SPTLC2: variants seen among roughly 807,000 people sequenced by gnomAD.
SPTLC2 encodes serine palmitoyltransferase 2.
In SPTLC2, 21 loss-of-function variants were observed where a neutral mutation model predicts 62.0. The ratio of observed to expected loss-of-function variants is 0.34; its 90% CI spans 0.24 to 0.49. The LOEUF is 0.49. Ranked by LOEUF, SPTLC2 falls within the 20% of genes least tolerant of loss-of-function variation. The pLI is 0.99. For missense variants in SPTLC2, 511 were observed against 713.0 expected, an observed-to-expected ratio of 0.72 and a Z score of 3.23; for synonymous variants, 261 against 261.8, an observed-to-expected ratio of 1.00 and a Z score of 0.03.
chr14:77,532,667 C>T (rs1429178290), intron 9 of SPTLC2, among the ~76,000 whole-genome samples: 1 of 151,972 alleles, frequency 6.6e-6, no homozygotes, highest in Non-Finnish European at 1.5e-5. Context: ...GCCTGTAGTC[C>T]CAGCTACTCG....
chr14:77,577,418 A>C (rs2079722665), intron 3 of SPTLC2, among the ~76,000 whole-genome samples: 1 of 152,202 alleles, frequency 6.6e-6, no homozygotes, highest in South Asian at 2.1e-4. Context: ...TAGGATGAAC[A>C]TGAAGTATCG....
At position 77,517,921 on chromosome 14, in the gene SPTLC2, C is replaced by A. The variant is rs2079366928; in HGVS notation, c.1569+117G>T. 4 of 1,512,108 alleles carry A rather than the reference C, an allele frequency of 2.6e-6. No homozygotes were observed. The East Asian group carries it at 9.1e-5, about 34-fold the overall frequency. 93.7% of individuals were successfully genotyped at this position (1,512,108 alleles called of 1,614,324 possible). A position where few individuals can be genotyped will look rare whatever the true frequency, so the allele number is the denominator to read the frequency against. On this transcript the variant is annotated intron_variant, in intron 11 of 11. Transcript: ENST00000216484. ...CCAATGTTTTTGGTAGCACTGTCACCCCCTCTGTCTTAGGTGCTCACAAGA... is the reference window on the plus strand; with the variant it reads ...CCAATGTTTTTGGTAGCACTGTCACACCCTCTGTCTTAGGTGCTCACAAGA...
chr14:77,616,336 G>T, intron 1 of SPTLC2, 112 bp downstream of exon 1: 1 of 614,334 alleles, frequency 1.6e-6, no homozygotes, highest in South Asian at 7.4e-5. Context: ...ACCTGCGAAC[G>T]GCGCCCGCCC....
At chr14:77,583,240 A>AAT (rs775867620) in intron 2 of SPTLC2, among the ~76,000 whole-genome samples, 1 of 146,594 alleles carries the variant, frequency 6.8e-6, no homozygotes. Context: ...TAAATAAATA[A>AAT]AAATAATAAT....
chr14:77,517,311 C>T (rs181065177), intron 11 of SPTLC2, among the ~76,000 whole-genome samples: 1 of 152,208 alleles, frequency 6.6e-6, no homozygotes, highest in East Asian at 1.9e-4. Context: ...TAATTTTATG[C>T]AAATGTCATG....
intron 9 of SPTLC2, among the ~76,000 whole-genome samples, chr14:77,528,590 C>A (rs146196914): frequency 4.1e-4 from 62 of 152,200 alleles, no homozygotes; most frequent in Non-Finnish European, 7.5e-4. Context: ...TATATCAGCT[C>A]AGGGTCCCTC....
At chr14:77,542,120 A>G (rs1287668147) in intron 9 of SPTLC2, among the ~76,000 whole-genome samples, 1 of 152,102 alleles carries the variant, frequency 6.6e-6, no homozygotes, top group South Asian at 2.1e-4. Flanking sequence ...TACCAAGTGA[A>G]AAGTGAAGAA....
chr14:77,548,739 T>C (rs941433562), intron 9 of SPTLC2, among the ~76,000 whole-genome samples: 10 of 152,012 alleles, frequency 6.6e-5, no homozygotes, highest in African/African-American at 9.7e-5. Context: ...GGGAAAAGGA[T>C]AGAAACTGGA....
chr14:77,512,031 G>T lies in SPTLC2; in HGVS notation c.*253C>A. 1 of 513,010 alleles carries T rather than the reference G, an allele frequency of 1.9e-6. No individual in the cohort carries two copies. Among genetic ancestry groups the T allele is most frequent in the African/African-American group, 1.9e-5 (1 of 51,918 alleles). 31.8% of individuals were successfully genotyped at this position (513,010 alleles called of 1,614,324 possible). A position where few individuals can be genotyped will look rare whatever the true frequency, so the allele number is the denominator to read the frequency against. On this transcript the variant is annotated 3_prime_UTR_variant, in exon 12 of 12. Transcript: ENST00000216484. ...AAGTAGAATGGTTGCAAAATAAAATGTTTTTTTAATGGACTGAAAAAGCAA... is the reference window on the plus strand; with the variant it reads ...AAGTAGAATGGTTGCAAAATAAAATTTTTTTTTAATGGACTGAAAAAGCAA...
At chr14:77,547,734 C>T (rs2079536155) in intron 9 of SPTLC2, 2 of 152,176 alleles carry the variant, frequency 1.3e-5, no homozygotes, top group African/African-American at 4.8e-5. Context: ...GGTCATCATA[C>T]TGATGGCTGA....
At chr14:77,614,190 T>C (rs2079952459) in intron 1 of SPTLC2, among the ~76,000 whole-genome samples, 1 of 152,184 alleles carries the variant, frequency 6.6e-6, no homozygotes, top group Non-Finnish European at 1.5e-5. Context: ...CTTCACCTTA[T>C]TAGTTGGCAA....
chr14:77,523,295 T>A (rs139592291), intron 9 of SPTLC2, among the ~76,000 whole-genome samples: 1 of 152,210 alleles, frequency 6.6e-6, no homozygotes, highest in African/African-American at 2.4e-5. Flanking sequence ...CTTTTAGACA[T>A]TGAACCACGG....
At chr14:77,612,007 TGGGTC>T (rs2079941114) in intron 1 of SPTLC2, among the ~76,000 whole-genome samples, 1 of 152,172 alleles carries the variant, frequency 6.6e-6, no homozygotes, top group Non-Finnish European at 1.5e-5. Flanking sequence ...TAACAGTAAA[TGGGTC>T]AAGAGCAAAG....
intron 2 of SPTLC2, among the ~76,000 whole-genome samples, chr14:77,592,658 C>T (rs1281662207): frequency 6.6e-6 from 1 of 152,076 alleles, no homozygotes; most frequent in Admixed American, 6.6e-5. Context: ...CAGGTAAACT[C>T]GCATCACAAT....
chr14:77,567,959 T>C (rs1322821621), intron 5 of SPTLC2, among the ~76,000 whole-genome samples: 1 of 152,178 alleles, frequency 6.6e-6, no homozygotes, highest in Non-Finnish European at 1.5e-5. Flanking sequence ...TTTGGATTAT[T>C]TGCATTATAT....
Position 77,616,615 on chromosome 14 carries a change from A to G in SPTLC2, c.-36T>C, listed in dbSNP as rs1479631952. ...GCACCAGGCGCAAGGCAGGCTCTGTAGGCGGTGGCAGCGGCGGCGGCTGCT... is the reference window on the plus strand; with the variant it reads ...GCACCAGGCGCAAGGCAGGCTCTGTGGGCGGTGGCAGCGGCGGCGGCTGCT... On this transcript the variant is annotated 5_prime_UTR_variant, in exon 1 of 12. Coordinates refer to ENST00000216484, the MANE Select transcript of SPTLC2 (RefSeq NM_004863.4). The G allele has an allele frequency of 5.2e-6, 8 of 1,529,594 alleles. No individual in the cohort carries two copies. The highest frequency in any genetic ancestry group is 3.9e-5 in the Admixed American group (2 of 51,352). 94.8% of individuals were successfully genotyped at this position (1,529,594 alleles called of 1,614,324 possible).
chr14:77,522,075 C>T (rs2079387363), intron 9 of SPTLC2, among the ~76,000 whole-genome samples: 1 of 152,216 alleles, frequency 6.6e-6, no homozygotes, highest in Admixed American at 6.5e-5. Context: ...ATAAATTTTA[C>T]ACATAAGACC....
chr14:77,520,518 C>T (rs2079380302), intron 10 of SPTLC2, among the ~76,000 whole-genome samples: 1 of 152,228 alleles, frequency 6.6e-6, no homozygotes, highest in Non-Finnish European at 1.5e-5. Context: ...TAAGATCCAG[C>T]TCAAAACTCA....
At chr14:77,522,459 A>G (rs6574380) in intron 9 of SPTLC2, among the ~76,000 whole-genome samples, 145,849 of 152,298 alleles carry the variant, frequency 0.96, 70,151 homozygotes, top group East Asian at 1. Context: ...CACCGCGCCT[A>G]GCCTGTTTCC....
Sources: allele counts gnomAD v4.1 joint callset (sites outside exome capture counted in the v4.1 genomes callset), GRCh38; gene constraint gnomAD v4.1.1; transcripts MANE v1.5; gene names NCBI Gene and HGNC (gene_info 2026-07-23, HGNC 2026-07-21).